WDR41: variants seen among roughly 807,000 people sequenced by gnomAD.
WDR41 encodes WD repeat domain 41.
In WDR41, 63 loss-of-function variants were observed where a neutral mutation model predicts 69.3. The observed-to-expected ratio is 0.91, with a 90% CI of 0.74 to 1.12. WDR41 has a LOEUF of 1.12. Ranked by LOEUF, WDR41 falls within the 50% of genes most tolerant of loss-of-function variation. The pLI is 0.00. For synonymous variants in WDR41, 185 were observed against 192.1 expected (o/e 0.96, Z 0.31); for missense variants, 543 against 534.5 (o/e 1.02, Z -0.16).
At chr5:77,540,166 G>A (rs148895489) in intron 1 of WDR41, among the ~76,000 whole-genome samples, 2 of 152,318 alleles carry the variant, frequency 1.3e-5, no homozygotes, top group East Asian at 1.9e-4. Flanking sequence ...ACTGTAAAGC[G>A]AGAGGGTGTC....
intron 8 of WDR41, among the ~76,000 whole-genome samples, chr5:77,444,468 TTGTC>T (rs1317745834): frequency 1.3e-5 from 2 of 152,234 alleles, no homozygotes; most frequent in Non-Finnish European, 2.9e-5. Context: ...CAGTTATTTT[TTGTC>T]TGTCTTAGAA....
At chr5:77,502,265 G>T (rs541610770) in intron 1 of WDR41, among the ~76,000 whole-genome samples, 5 of 152,060 alleles carry the variant, frequency 3.3e-5, no homozygotes, top group Non-Finnish European at 5.9e-5. Context: ...GGAAGAAAGG[G>T]TATTAGTGAT....
rs1316387378 is a variant in WDR41 at position 77,432,951 on chromosome 5, A to G, written c.*184T>C. ...ACTTGTGGTATATTCTTTGGAGGATATACTAGGACCTGAGAAGCAACATGT... is the reference window on the plus strand; with the variant it reads ...ACTTGTGGTATATTCTTTGGAGGATGTACTAGGACCTGAGAAGCAACATGT... On this transcript the variant is annotated 3_prime_UTR_variant, in exon 13 of 13. Coordinates refer to ENST00000296679, the MANE Select transcript of WDR41 (RefSeq NM_018268.4). 1.7e-6 allele frequency: 1 copy of G among 574,258 alleles called. No homozygotes were observed. The highest frequency in any genetic ancestry group is 2.9e-6 in the Non-Finnish European group (1 of 339,106). The allele number at this position is 574,258 out of a possible 1,614,324, so 35.6% of individuals were successfully genotyped here.
chr5:77,449,182 C>T (rs914471284), intron 8 of WDR41, among the ~76,000 whole-genome samples: 1 of 152,172 alleles, frequency 6.6e-6, no homozygotes, highest in Non-Finnish European at 1.5e-5. Flanking sequence ...ACAGGAGATA[C>T]TCATTAAAAT....
At chr5:77,511,096 T>C (rs1802191142) in intron 1 of WDR41, among the ~76,000 whole-genome samples, 1 of 152,204 alleles carries the variant, frequency 6.6e-6, no homozygotes, top group South Asian at 2.1e-4. Context: ...TAAAAAACTA[T>C]GTCCCTATAA....
chr5:77,571,003 G>A lies in WDR41; in HGVS notation c.42+49476C>T, dbSNP rs369836247. Among the ~76,000 whole-genome samples the A allele has an allele frequency of 1.2e-3, 177 of 151,964 alleles. 5 individuals carry two copies. The South Asian group carries it at 0.034, about 29-fold the overall frequency. On this transcript the variant is annotated intron_variant, in intron 1 of 5. Transcript: ENST00000509971. ...TGAAAAATAATGGCTGAAATTGAAT[G>A]TCTTAATTTACATTTAATGCAATTA...
chr5:77,567,173 T>C (rs1425059951), intron 1 of WDR41, among the ~76,000 whole-genome samples: 5 of 152,298 alleles, frequency 3.3e-5, no homozygotes, highest in South Asian at 2.1e-4. Flanking sequence ...TTTTTCATGC[T>C]TTGCAGTTTT....
chr5:77,483,035 T>C (rs1026680573), intron 2 of WDR41, among the ~76,000 whole-genome samples: 4 of 152,174 alleles, frequency 2.6e-5, no homozygotes, highest in Admixed American at 6.5e-5. Flanking sequence ...CCATCATATA[T>C]TTGCCTTCTC....
chr5:77,540,723 TAGGGAGGGAGGGAGGG>T (rs137909780), intron 1 of WDR41, among the ~76,000 whole-genome samples: 2 of 78,336 alleles, frequency 2.6e-5, no homozygotes, highest in African/African-American at 1.3e-4. Flanking sequence ...GAAAAGAATG[TAGGGAGGGAGGGAGGG>T]AGGGAGGGAG....
chr5:77,442,244 C>CA (rs1799194937), intron 8 of WDR41, among the ~76,000 whole-genome samples: 2 of 151,976 alleles, frequency 1.3e-5, no homozygotes, highest in Admixed American at 6.6e-5. Flanking sequence ...CATATATGTA[C>CA]AAATACACAA....
intron 1 of WDR41, among the ~76,000 whole-genome samples, chr5:77,502,215 G>A (rs893047010): frequency 3.3e-5 from 5 of 152,014 alleles, no homozygotes; most frequent in African/African-American, 4.8e-5. Context: ...TGAAAACTTC[G>A]TGACACATAC....
At chr5:77,587,308 G>C (rs57449432) in intron 1 of WDR41, among the ~76,000 whole-genome samples, 1 of 152,074 alleles carries the variant, frequency 6.6e-6, no homozygotes, top group Non-Finnish European at 1.5e-5. Context: ...AACCAGTCCA[G>C]TGCATGTATT....
intron 1 of WDR41, among the ~76,000 whole-genome samples, chr5:77,547,759 C>A (rs560831031): frequency 2.0e-5 from 3 of 152,156 alleles, no homozygotes; most frequent in East Asian, 1.9e-4. Flanking sequence ...CACTATTATT[C>A]CTCACAGAAT....
At chr5:77,491,873 A>G (rs926447399) in intron 1 of WDR41, 4 of 460,518 alleles carry the variant, frequency 8.7e-6, no homozygotes, top group South Asian at 3.6e-5. Context: ...ACAGGTCCCA[A>G]TAGGACTGCT....
chr5:77,522,155 A>G (rs532974865), intron 1 of WDR41, among the ~76,000 whole-genome samples: 14 of 152,332 alleles, frequency 9.2e-5, no homozygotes, highest in African/African-American at 3.4e-4. Context: ...GTTTGTATTT[A>G]AGGGAACCTG....
chr5:77,549,097 A>G (rs988834633), intron 1 of WDR41, among the ~76,000 whole-genome samples: 2 of 151,902 alleles, frequency 1.3e-5, no homozygotes, highest in Non-Finnish European at 2.9e-5. Flanking sequence ...ATGCAAAGGA[A>G]TAAGAATGAC....
chr5:77,567,085 A>T (rs1743646380), intron 1 of WDR41, among the ~76,000 whole-genome samples: 1 of 152,168 alleles, frequency 6.6e-6, no homozygotes, highest in Non-Finnish European at 1.5e-5. Flanking sequence ...GACAGAGTCC[A>T]TTGCTCTATT....
chr5:77,527,959 A>G (rs1369817003), intron 1 of WDR41, among the ~76,000 whole-genome samples: 3 of 151,822 alleles, frequency 2.0e-5, no homozygotes, highest in East Asian at 1.9e-4. Context: ...AATGCACACT[A>G]GAAAAGAAGT....
intron 1 of WDR41, among the ~76,000 whole-genome samples, chr5:77,513,252 C>G (rs1207966011): frequency 6.6e-6 from 1 of 152,054 alleles, no homozygotes; most frequent in Non-Finnish European, 1.5e-5. Context: ...ATTTTAGAGT[C>G]TTATTACTGC....
Sources: gnomAD v4.1 joint callset for allele counts (sites outside exome capture counted in the v4.1 genomes callset) on GRCh38, gnomAD v4.1.1 for gene constraint, MANE v1.5 for transcripts, NCBI Gene and HGNC (gene_info 2026-07-23, HGNC 2026-07-21) for gene names.